Variants in MBD1 observed in about 807,000 individuals in gnomAD.
The protein encoded by MBD1 is methyl-CpG binding domain protein 1, also known as methyl-CpG-binding domain protein 1.
Under a neutral mutation model 82.6 loss-of-function variants are expected in MBD1, and 25 were observed. The ratio of observed to expected loss-of-function variants is 0.30; its 90% CI spans 0.22 to 0.42. The LOEUF is 0.42. MBD1 is among the 10% of genes least tolerant of loss of function. The pLI is 1.00. For synonymous variants in MBD1, 301 were observed against 303.7 expected, an observed-to-expected ratio of 0.99 and a Z score of 0.09; for missense variants, 627 against 819.6, an observed-to-expected ratio of 0.76 and a Z score of 2.87.
At position 50,270,045 on chromosome 18, in the gene MBD1, T is replaced by C. The variant is rs369562955; in HGVS notation, c.*33-227A>G. 4.9e-5 allele frequency: 78 copies of C among 1,598,044 alleles called. 1 individual carries two copies. The African/African-American group carries it at 5.5e-4, about 11-fold the overall frequency. ...AATCAAATAAATTTCATATAGATCA[T>C]TGTCAAAATTACCAGAATACTGGGG... On this transcript the variant is annotated intron_variant, in intron 16 of 16. Coordinates refer to ENST00000269468, the MANE Select transcript of MBD1 (RefSeq NM_015846.4).
At chr18:50,280,832 C>T (rs971339520) in intron 1 of MBD1, among the ~76,000 whole-genome samples, 6 of 152,076 alleles carry the variant, frequency 3.9e-5, no homozygotes, top group Admixed American at 2.0e-4. Flanking sequence ...CCATTCCTCC[C>T]TTATCATCCA....
chr18:50,276,210 G>A, intron 6 of MBD1, 168 bp downstream of exon 6: 1 of 835,626 alleles, frequency 1.2e-6, no homozygotes, highest in South Asian at 1.5e-5. Context: ...TGGTAATGGG[G>A]ATTAATTACC....
chr18:50,269,466 G>C lies in MBD1; in HGVS notation c.*385C>G, dbSNP rs915518367. 1 of 744,674 alleles carries C rather than the reference G, an allele frequency of 1.3e-6. No individual in the cohort carries two copies. Among genetic ancestry groups the C allele is most frequent in the African/African-American group, 1.7e-5 (1 of 57,582 alleles). 46.1% of individuals were successfully genotyped at this position (744,674 alleles called of 1,614,324 possible). A position where few individuals can be genotyped will look rare whatever the true frequency, so the allele number is the denominator to read the frequency against. ...CATTGTTTTTACACTTGGAAGGTTG[G>C]TGCTGGGGCACCAGGCGTTGTTGCA... On this transcript the variant is annotated 3_prime_UTR_variant, in exon 17 of 17. Transcript: ENST00000269468.
intron 2 of MBD1, 22 bp downstream of exon 2, chr18:50,279,861 C>T (rs2039540767): frequency 6.2e-7 from 1 of 1,613,716 alleles, no homozygotes; most frequent in Admixed American, 1.7e-5. Flanking sequence ...ACTCCTGACT[C>T]TGCCCACTAC....
At chr18:50,267,631 T>C (rs2034058633), downstream of MBD1, 2 of 1,536,098 alleles carry the variant, frequency 1.3e-6, no homozygotes, top group South Asian at 1.2e-5. Context: ...GTAACCACAG[T>C]TGCATTTCCA....
intron 2 of MBD1, among the ~76,000 whole-genome samples, chr18:50,279,483 C>A (rs35888849): frequency 0.18 from 27,344 of 152,122 alleles, 2,494 homozygotes; most frequent in South Asian, 0.2. Context: ...CTAAACAGCA[C>A]CTCAGCACTA....
rs2036897351 is a variant in MBD1 at position 50,274,431 on chromosome 18, C to T, written c.979-78G>A. The T allele has an allele frequency of 6.7e-6, 10 of 1,486,250 alleles. No individual in the cohort carries two copies. The Admixed American group carries it at 1.5e-4, about 22-fold the overall frequency. The allele number at this position is 1,486,250 out of a possible 1,614,324, so 92.1% of individuals were successfully genotyped here. The stretch of plus-strand genomic sequence containing the variant: ...CTCAACGCCTATTCCAGTGCTGGTC[C>T]TGGTGCTCCTCTAGCCCCATAAGAC... On this transcript the variant is annotated intron_variant, in intron 10 of 16. Coordinates refer to ENST00000269468, the MANE Select transcript of MBD1 (RefSeq NM_015846.4).
chr18:50,276,003 A>C (rs867955999), intron 6 of MBD1, 22 bp from the exon 7 acceptor site: 2 of 1,607,210 alleles, frequency 1.2e-6, no homozygotes, highest in African/African-American at 1.3e-5. Flanking sequence ...GGTAGGGACG[A>C]GATCACGGGC....
rs767394290 is a variant in MBD1 at position 50,276,699 on chromosome 18, T to C, written c.438A>G (p.Gln146=). The C allele has an allele frequency of 4.3e-6, 7 of 1,614,084 alleles. No individual in the cohort carries two copies. Among genetic ancestry groups the C allele is most frequent in the Non-Finnish European group, 5.9e-6 (7 of 1,180,052 alleles). The part of the protein sequence containing the change: ...CGISFSGDGT[Q]RQRLKTLCKD... ...TGCACAACGTTTTGAGCCGCTGCCT[T>C]TGGGTGCCATCCCCTGAGAAGCTGA... is the stretch of plus-strand genomic sequence containing the variant. Residue 146 remains glutamine (Q), a synonymous_variant, in exon 5 of 17, where the codon CAA becomes CAG. Transcript: ENST00000269468.
Position 50,272,969 on chromosome 18 carries a change from G to GA in MBD1, c.1585-15dup. 1 of 1,614,052 alleles carries GA rather than the reference G, an allele frequency of 6.2e-7. No homozygotes were observed. Among genetic ancestry groups the GA allele is most frequent in the Non-Finnish European group, 8.5e-7 (1 of 1,180,010 alleles). On this transcript the variant is annotated splice_polypyrimidine_tract_variant and intron_variant, in intron 13 of 16. Transcript: ENST00000269468. The stretch of plus-strand genomic sequence containing the variant: ...TGGGTCTACTGCCTGGGAGAAGTAG[G>GA]AAACAGGCAACCATTAGAAGGGCAG...
intron 8 of MBD1, 29 bp downstream of exon 8, chr18:50,275,571 T>C: frequency 1.9e-6 from 3 of 1,614,068 alleles, no homozygotes; most frequent in South Asian, 1.1e-5. Flanking sequence ...AACAGCAGAA[T>C]GAGCTCTGCT....
At position 50,272,821 on chromosome 18, in the gene MBD1, G is replaced by T; in HGVS notation, c.1716+3C>A. The T allele has an allele frequency of 6.2e-7, 1 of 1,614,018 alleles. No individual in the cohort carries two copies. The highest frequency in any genetic ancestry group is 1.1e-5 in the South Asian group (1 of 91,030). ...GGCAGGGTGGGGCATCCCCAGCACT[G>T]ACCACGGGTGTGCCAGCCCCTCCTG... is the stretch of plus-strand genomic sequence containing the variant. On this transcript the variant is annotated splice_donor_region_variant and intron_variant, in intron 14 of 16. Coordinates refer to ENST00000269468, the MANE Select transcript of MBD1 (RefSeq NM_015846.4).
intron 16 of MBD1, chr18:50,271,237 T>G (rs921229353): frequency 1.4e-6 from 2 of 1,383,442 alleles, no homozygotes; most frequent in African/African-American, 2.9e-5. Flanking sequence ...AAAATCCAAC[T>G]TCTTATACTC....
intron 10 of MBD1, 86 bp downstream of exon 10, chr18:50,274,891 A>T (rs1161461858): frequency 7.2e-7 from 1 of 1,390,454 alleles, no homozygotes. Context: ...CTGTTCCCCA[A>T]TAGGCTCATT....
intron 6 of MBD1, 129 bp from the exon 7 acceptor site, chr18:50,276,110 G>A (rs1334115129): frequency 8.1e-7 from 1 of 1,242,076 alleles, no homozygotes; most frequent in South Asian, 1.3e-5. Context: ...CACCGTATCT[G>A]AGAAGGTCTG....
At chr18:50,278,494 C>A (rs2038945966) in intron 2 of MBD1, among the ~76,000 whole-genome samples, 1 of 152,130 alleles carries the variant, frequency 6.6e-6, no homozygotes, top group Non-Finnish European at 1.5e-5. Flanking sequence ...TAGTTCTTGA[C>A]AACTGCACTT....
At chr18:50,274,733 C>T (rs2037056174) in intron 10 of MBD1, among the ~76,000 whole-genome samples, 1 of 152,212 alleles carries the variant, frequency 6.6e-6, no homozygotes, top group African/African-American at 2.4e-5. Context: ...GAACCCCAGT[C>T]ACTATGCTAG....
In MBD1 at chr18:50,273,457, A is replaced by T. The variant is rs774849530; in HGVS notation, c.1461T>A (p.Ser487=). ...GTAAGGCCACAACCCAACTCAGGCCAGAGCACTGGGCCTCCTGCGTGAGGG... is the reference window on the plus strand; with the variant it reads ...GTAAGGCCACAACCCAACTCAGGCCTGAGCACTGGGCCTCCTGCGTGAGGG... The part of the protein sequence containing the change: ...TEALLQEAQC[S]GLSWVVALPQ... The change falls in exon 13 of 17, where the codon TCT becomes TCA. Residue 487 remains serine, a synonymous_variant. Transcript: ENST00000269468. 1.2e-6 allele frequency: 2 copies of T among 1,614,096 alleles called. No individual in the cohort carries two copies. The highest frequency in any genetic ancestry group is 3.3e-5 in the Admixed American group (2 of 60,016).
Position 50,273,436 on chromosome 18 carries a change from G to T in MBD1, c.1482C>A (p.Ala494=), listed in dbSNP as rs1293771451. 1.2e-6 allele frequency: 2 copies of T among 1,614,100 alleles called. No individual in the cohort carries two copies. The highest frequency in any genetic ancestry group is 1.7e-6 in the Non-Finnish European group (2 of 1,180,048). Reference sequence around the variant, plus strand: ...CCTTCTCTTGCTTCACCTGGGGTAAGGCCACAACCCAACTCAGGCCAGAGC... The same window carrying T: ...CCTTCTCTTGCTTCACCTGGGGTAATGCCACAACCCAACTCAGGCCAGAGC... ...AQCSGLSWVV[A]LPQVKQEKAD... Residue 494 remains alanine, a synonymous_variant, in exon 13 of 17, where the codon GCC becomes GCA. Transcript: ENST00000269468.
Sources: gnomAD v4.1 joint callset for allele counts (sites outside exome capture counted in the v4.1 genomes callset) on GRCh38, gnomAD v4.1.1 for gene constraint, MANE v1.5 for transcripts, NCBI Gene and HGNC (gene_info 2026-07-23, HGNC 2026-07-21) for gene names.